Variants in THEMIS observed in about 807,000 individuals in gnomAD.
The protein encoded by THEMIS is thymocyte selection associated.
Under a neutral mutation model 52.6 loss-of-function variants are expected in THEMIS, and 37 were observed. The observed-to-expected ratio is 0.70, with a 90% confidence interval of 0.54 to 0.93. The LOEUF (loss-of-function observed/expected upper bound fraction) is 0.93, where lower values mean the gene tolerates loss of function less well. Among genes scored for constraint, THEMIS ranks in the 40% least tolerant of loss-of-function variants. The probability of loss-of-function intolerance (pLI) is 0.00; values close to 1 mark genes in which losing one functional copy is unlikely to be tolerated. For missense variants in THEMIS, 808 were observed against 763.1 expected (o/e 1.06, Z -0.69); for synonymous variants, 292 against 272.7 (o/e 1.07, Z -0.70).
chr6:127,850,344 T>C (rs144725643), intron 2 of THEMIS, among the ~76,000 whole-genome samples: 30 of 151,412 alleles, frequency 2.0e-4, no homozygotes, highest in African/African-American at 5.5e-4. Context: ...GGAGAGTCCT[T>C]AAATAACCAA....
intron 5 of THEMIS, among the ~76,000 whole-genome samples, chr6:127,716,644 G>A (rs914371947): frequency 1.3e-5 from 2 of 151,902 alleles, no homozygotes; most frequent in African/African-American, 4.8e-5. Context: ...CTCAAGCGCT[G>A]TTCCTGGGAG....
the THEMIS span, among the ~76,000 whole-genome samples, chr6:127,703,064 T>TTTTTTTTC: frequency 7.5e-6 from 1 of 133,584 alleles, no homozygotes; most frequent in Admixed American, 7.2e-5. Flanking sequence ...TTTTTTTTTT[T>TTTTTTTTC]TGAGACGGAG....
chr6:127,734,950 T>A (rs1267109493), intron 4 of THEMIS, among the ~76,000 whole-genome samples: 1 of 138,026 alleles, frequency 7.2e-6, no homozygotes, highest in East Asian at 2.2e-4. Flanking sequence ...TGTATATATA[T>A]ACATATATGT....
chr6:127,805,562 C>G (rs574158013), intron 4 of THEMIS, among the ~76,000 whole-genome samples: 1 of 151,896 alleles, frequency 6.6e-6, no homozygotes, highest in South Asian at 2.1e-4. Flanking sequence ...ACGTTTTTTA[C>G]TTTTCAAAGT....
At chr6:127,762,756 T>G (rs544335690) in intron 4 of THEMIS, among the ~76,000 whole-genome samples, 1 of 152,116 alleles carries the variant, frequency 6.6e-6, no homozygotes, top group East Asian at 1.9e-4. Context: ...CACTGAAAAC[T>G]ATAATTAGCC....
chr6:127,830,664 C>A (rs890409585), intron 2 of THEMIS, among the ~76,000 whole-genome samples: 28 of 150,532 alleles, frequency 1.9e-4, no homozygotes, highest in Non-Finnish European at 3.8e-4. Context: ...CCAGCCTGGG[C>A]AACAGAGTGA....
chr6:127,738,054 T>C (rs1246394983), intron 4 of THEMIS, among the ~76,000 whole-genome samples: 1 of 152,294 alleles, frequency 6.6e-6, no homozygotes, highest in Admixed American at 6.5e-5. Flanking sequence ...TTATAACTAA[T>C]AGAAGCATGA....
chr6:127,884,700 C>T (rs575207546), intron 1 of THEMIS, among the ~76,000 whole-genome samples: 3 of 152,198 alleles, frequency 2.0e-5, no homozygotes, highest in East Asian at 1.9e-4. Context: ...CTTTTTGCCT[C>T]GTACTGCCGT....
At chr6:127,823,126 T>C (rs1056276557) in intron 3 of THEMIS, among the ~76,000 whole-genome samples, 2 of 152,150 alleles carry the variant, frequency 1.3e-5, no homozygotes, top group African/African-American at 4.8e-5. Flanking sequence ...TAAAAATAAA[T>C]ATATACATAA....
intron 1 of THEMIS, among the ~76,000 whole-genome samples, chr6:127,916,848 G>A (rs536976345): frequency 6.6e-6 from 1 of 152,286 alleles, no homozygotes; most frequent in South Asian, 2.1e-4. Context: ...TTGAGTCAGA[G>A]GACAAGCTAT....
At chr6:127,830,550 T>C (rs1345153917) in intron 2 of THEMIS, among the ~76,000 whole-genome samples, 2 of 151,704 alleles carry the variant, frequency 1.3e-5, no homozygotes, top group Non-Finnish European at 2.9e-5. Flanking sequence ...GCTGGGTATA[T>C]TGGCGTGCAC....
intron 4 of THEMIS, among the ~76,000 whole-genome samples, chr6:127,769,824 C>T (rs1776321460): frequency 6.6e-6 from 1 of 152,106 alleles, no homozygotes; most frequent in South Asian, 2.1e-4. Flanking sequence ...ACCCTGTGTC[C>T]AAGTGTTCTC....
intron 4 of THEMIS, among the ~76,000 whole-genome samples, chr6:127,761,232 G>A (rs1776010653): frequency 6.6e-6 from 1 of 152,064 alleles, no homozygotes; most frequent in African/African-American, 2.4e-5. Flanking sequence ...TGAAGAAAAG[G>A]GAACATTGGC....
intron 1 of THEMIS, among the ~76,000 whole-genome samples, chr6:127,896,574 C>T (rs1780974081): frequency 1.3e-5 from 2 of 151,372 alleles, no homozygotes; most frequent in Admixed American, 6.6e-5. Context: ...CAAAGCACAG[C>T]TAATCAAAAT....
At chr6:127,782,161 AG>A (rs1413826646) in intron 4 of THEMIS, among the ~76,000 whole-genome samples, 3 of 152,104 alleles carry the variant, frequency 2.0e-5, no homozygotes, top group Non-Finnish European at 4.4e-5. Context: ...ACCAAGTACA[AG>A]CTCCCAAGTC....
chr6:127,769,101 A>C (rs979184196), intron 4 of THEMIS, among the ~76,000 whole-genome samples: 2 of 152,220 alleles, frequency 1.3e-5, no homozygotes, highest in African/African-American at 4.8e-5. Context: ...CTGCAGGAAT[A>C]TGAAACATTA....
chr6:127,893,213 A>C (rs1040190005), intron 1 of THEMIS, among the ~76,000 whole-genome samples: 1 of 151,968 alleles, frequency 6.6e-6, no homozygotes, highest in Non-Finnish European at 1.5e-5. Context: ...ATTTTTCTTC[A>C]TATTCAATTT....
At chr6:127,760,640 C>T (rs1329080672) in intron 4 of THEMIS, among the ~76,000 whole-genome samples, 3 of 152,022 alleles carry the variant, frequency 2.0e-5, no homozygotes, top group East Asian at 3.9e-4. Context: ...AAAAACTAGC[C>T]AGGCATGGTG....
chr6:127,887,010 C>A (rs977654348), intron 1 of THEMIS, among the ~76,000 whole-genome samples: 8 of 150,878 alleles, frequency 5.3e-5, no homozygotes, highest in African/African-American at 1.9e-4. Context: ...TCCCCTACCT[C>A]CCCCCCCAAA....
Sources: gnomAD v4.1 joint callset for allele counts (sites outside exome capture counted in the v4.1 genomes callset) on GRCh38, gnomAD v4.1.1 for gene constraint, MANE v1.5 for transcripts, NCBI Gene and HGNC (gene_info 2026-07-23, HGNC 2026-07-21) for gene names.